The following DENND5B variants were observed in gnomAD, a reference collection of about 807,000 sequenced individuals.
The protein encoded by DENND5B is DENN domain-containing protein 5B.
In DENND5B, 34 loss-of-function variants were observed where a neutral mutation model predicts 140.6. That is an observed-to-expected ratio of 0.24 (90% CI 0.18 to 0.32). The LOEUF (loss-of-function observed/expected upper bound fraction) is 0.32. Ranked by LOEUF, DENND5B falls within the 10% of genes least tolerant of loss-of-function variation. The pLI is 1.00. For synonymous variants in DENND5B, 551 were observed against 562.1 expected (o/e 0.98, Z 0.28); for missense variants, 1,142 against 1,560.2 (o/e 0.73, Z 4.52).
At chr12:31,590,530 C>G (rs1293747320) in intron 1 of DENND5B, 176 bp downstream of exon 1, 1 of 776,020 alleles carries the variant, frequency 1.3e-6, no homozygotes, top group East Asian at 3.7e-5. Context: ...AGCCCGCACG[C>G]GGAATAAATA....
intron 8 of DENND5B, among the ~76,000 whole-genome samples, chr12:31,428,830 C>T (rs1256041604): frequency 2.6e-5 from 4 of 152,218 alleles, no homozygotes; most frequent in African/African-American, 9.6e-5. Context: ...CTCCTGGTTT[C>T]ACACCATTCT....
intron 5 of DENND5B, 47 bp from the exon 6 acceptor site, chr12:31,447,816 A>C: frequency 3.0e-5 from 39 of 1,307,070 alleles, no homozygotes; most frequent in Non-Finnish European, 4.0e-5. Flanking sequence ...AGACCATCTC[A>C]ACACTACATG....
At chr12:31,517,237 C>G (rs559995542) in intron 1 of DENND5B, among the ~76,000 whole-genome samples, 2 of 152,344 alleles carry the variant, frequency 1.3e-5, no homozygotes, top group South Asian at 4.1e-4. Context: ...CACTACAACC[C>G]ACGGTGATTC....
At chr12:31,582,450 T>A (rs567676131) in intron 1 of DENND5B, among the ~76,000 whole-genome samples, 1 of 152,230 alleles carries the variant, frequency 6.6e-6, no homozygotes, top group Admixed American at 6.5e-5. Flanking sequence ...ACTCACCTAA[T>A]GACAAATTAT....
At chr12:31,569,798 T>C (rs891071247) in intron 1 of DENND5B, among the ~76,000 whole-genome samples, 1 of 150,300 alleles carries the variant, frequency 6.7e-6, no homozygotes, top group African/African-American at 2.4e-5. Context: ...GGCAACAGAG[T>C]GAGACTCTGT....
intron 1 of DENND5B, among the ~76,000 whole-genome samples, chr12:31,497,943 CG>C (rs1946843632): frequency 4.0e-5 from 1 of 24,794 alleles, no homozygotes; most frequent in Non-Finnish European, 7.0e-5. Flanking sequence ...GGGGAGGGGG[CG>C]GGGAGGAGAG....
At chr12:31,522,308 T>C (rs987910662) in intron 1 of DENND5B, among the ~76,000 whole-genome samples, 1 of 152,292 alleles carries the variant, frequency 6.6e-6, no homozygotes, top group South Asian at 2.1e-4. Context: ...AGCATGGCCA[T>C]ATCAGGAACT....
chr12:31,426,143 C>T, intron 9 of DENND5B, 150 bp downstream of exon 9: 4 of 809,710 alleles, frequency 4.9e-6, no homozygotes, highest in Non-Finnish European at 1.8e-6. Context: ...GTTCAATACC[C>T]GAGTAAAGAG....
At chr12:31,401,105 AG>A (rs995989470) in intron 15 of DENND5B, among the ~76,000 whole-genome samples, 1 of 151,968 alleles carries the variant, frequency 6.6e-6, no homozygotes, top group Non-Finnish European at 1.5e-5. Context: ...GGCCTCCCAA[AG>A]TGCTGGGATT....
At chr12:31,400,377 A>G (rs973327048) in intron 15 of DENND5B, among the ~76,000 whole-genome samples, 1 of 152,224 alleles carries the variant, frequency 6.6e-6, no homozygotes, top group Admixed American at 6.5e-5. Flanking sequence ...TTTAAAAGGC[A>G]TAGTTATCAA....
chr12:31,426,359 A>G lies in DENND5B; in HGVS notation c.2172T>C (p.Ser724=), dbSNP rs772580773. Residue 724 remains serine (S), a synonymous_variant, in exon 9 of 21, where the codon TCT becomes TCC. Transcript: ENST00000389082. Reference sequence around the variant, plus strand: ...AGTTGGTCTGTGCAATAACTGCAGGAGAGAGGTCTGACAGTTTGGGTTGCC... The same window carrying G: ...AGTTGGTCTGTGCAATAACTGCAGGGGAGAGGTCTGACAGTTTGGGTTGCC... The part of the protein sequence containing the change: ...NLRQPKLSDL[S]PAVIAQTNCK... 4 of 1,612,178 alleles carry G rather than the reference A, an allele frequency of 2.5e-6. No homozygotes were observed. In the Admixed American group the frequency reaches 5.0e-5, roughly 20 times the overall value.
At chr12:31,484,527 G>A (rs1395697462) in intron 2 of DENND5B, among the ~76,000 whole-genome samples, 1 of 152,130 alleles carries the variant, frequency 6.6e-6, no homozygotes, top group African/African-American at 2.4e-5. Flanking sequence ...CTTGGAGCCA[G>A]GTGCGGTGGC....
At chr12:31,463,328 GAC>G (rs1945108693) in intron 3 of DENND5B, among the ~76,000 whole-genome samples, 1 of 152,048 alleles carries the variant, frequency 6.6e-6, no homozygotes, top group Admixed American at 6.6e-5. Context: ...AGTAGGCAGA[GAC>G]AGTAATTTAC....
chr12:31,514,436 G>C (rs1195282626), intron 1 of DENND5B, among the ~76,000 whole-genome samples: 1 of 152,122 alleles, frequency 6.6e-6, no homozygotes, highest in Non-Finnish European at 1.5e-5. Flanking sequence ...AAGAACACAG[G>C]AATACTACTG....
At chr12:31,560,584 T>G (rs1002507248) in intron 1 of DENND5B, among the ~76,000 whole-genome samples, 10 of 152,176 alleles carry the variant, frequency 6.6e-5, no homozygotes, top group Non-Finnish European at 1.3e-4. Flanking sequence ...GCTGCCAGGA[T>G]GATCCTTTTA....
chr12:31,448,709 TAAAA>T (rs1450363931), intron 5 of DENND5B, among the ~76,000 whole-genome samples: 44 of 152,136 alleles, frequency 2.9e-4, no homozygotes, highest in Non-Finnish European at 1.8e-4. Context: ...CCTTAACAAC[TAAAA>T]AAGGCACTGC....
At chr12:31,452,547 C>T in intron 4 of DENND5B, 71 bp from the exon 5 acceptor site, 2 of 1,452,620 alleles carry the variant, frequency 1.4e-6, no homozygotes, top group Non-Finnish European at 9.1e-7. Flanking sequence ...TCTTGCCAGC[C>T]AGCCACAGTG....
At chr12:31,417,270 T>C (rs1002555477) in intron 11 of DENND5B, among the ~76,000 whole-genome samples, 4 of 140,202 alleles carry the variant, frequency 2.9e-5, no homozygotes, top group African/African-American at 8.2e-5. Flanking sequence ...GGCAAGACAA[T>C]GGCATGAACC....
chr12:31,471,204 T>C (rs1945543290), intron 3 of DENND5B, among the ~76,000 whole-genome samples: 1 of 152,176 alleles, frequency 6.6e-6, no homozygotes, highest in Admixed American at 6.5e-5. Context: ...CGCCTGGGCA[T>C]TTCCTCACCA....
Sources: allele counts gnomAD v4.1 joint callset (sites outside exome capture counted in the v4.1 genomes callset), GRCh38; gene constraint gnomAD v4.1.1; transcripts MANE v1.5; gene names NCBI Gene and HGNC (gene_info 2026-07-23, HGNC 2026-07-21).